Variants in HSPG2 observed in about 807,000 individuals in gnomAD.
HSPG2 encodes the protein basement membrane-specific heparan sulfate proteoglycan core protein.
A neutral mutation model predicts 526.6 loss-of-function variants in HSPG2; 278 were observed. The ratio of observed to expected loss-of-function variants is 0.53; its 90% CI spans 0.48 to 0.58. The LOEUF is 0.58. Among genes scored for constraint, HSPG2 ranks in the 20% least tolerant of loss-of-function variants. The pLI, the probability that HSPG2 is intolerant of heterozygous loss-of-function variation, is 0.00. For synonymous variants in HSPG2, 2,465 were observed against 2,555.4 expected (o/e 0.96, Z 1.07); for missense variants, 5,354 against 6,099.5 (o/e 0.88, Z 4.07).
In HSPG2 at chr1:21,854,282, C is replaced by T; in HGVS notation, c.6350G>A (p.Cys2117Tyr). ...VSPADSGEYVCRVENGSGPKE... is the reference protein window; with the variant it reads ...VSPADSGEYVYRVENGSGPKE... ...GGGGCCCGATCCATTCTCCACACGGCACACATATTCTCCAGAATCAGCTGG... is the reference window on the plus strand; with the variant it reads ...GGGGCCCGATCCATTCTCCACACGGTACACATATTCTCCAGAATCAGCTGG... The change falls in exon 50 of 97, where the codon TGC becomes TAC. Residue 2117 changes from cysteine (C) to tyrosine (Y), a missense_variant. Physicochemically the swap from Cys to Tyr is radical, Grantham distance 194. Transcript: ENST00000374695. 6.3e-7 allele frequency: 1 copy of T among 1,577,198 alleles called. No homozygotes were observed. The highest frequency in any genetic ancestry group is 1.2e-5 in the South Asian group (1 of 86,012).
intron 13 of HSPG2, among the ~76,000 whole-genome samples, chr1:21,884,190 C>T (rs560409736): frequency 7.9e-5 from 12 of 152,146 alleles, no homozygotes; most frequent in Non-Finnish European, 1.2e-4. Flanking sequence ...CCACACCCCC[C>T]GACTTTACAG....
At chr1:21,850,533 C>T (rs2152717810) in intron 55 of HSPG2, 35 bp from the exon 56 acceptor site, 1 of 1,570,934 alleles carries the variant, frequency 6.4e-7, no homozygotes, top group African/African-American at 1.3e-5. Context: ...AGGGAGCCCT[C>T]AGGAGACCCC....
chr1:21,877,059 C>CAAAAAAAAAAAAAA (rs3077630), intron 21 of HSPG2, among the ~76,000 whole-genome samples: 2 of 103,140 alleles, frequency 1.9e-5, no homozygotes, highest in Non-Finnish European at 3.7e-5. Context: ...GACTCCATCT[C>CAAAAAAAAAAAAAA]AAAAAAAAAA....
In HSPG2 at chr1:21,847,592, C is replaced by A; in HGVS notation, c.8025+97G>T. 6.2e-7 allele frequency: 1 copy of A among 1,604,806 alleles called. No individual in the cohort carries two copies. The stretch of plus-strand genomic sequence containing the variant: ...CTGCTCAGCCTGTTGAGGCTGCTAT[C>A]GGTCTACCCAGGGCCCAATCCGTGA... On this transcript the variant is annotated intron_variant, in intron 61 of 96. Coordinates refer to ENST00000374695, the MANE Select transcript of HSPG2 (RefSeq NM_005529.7). The surrounding 1 kb of genome is among the most constrained non-coding windows in gnomAD (Gnocchi z 4.1).
In HSPG2 at chr1:21,828,332, T is replaced by C; in HGVS notation, c.12332A>G (p.Gln4111Arg). Residue 4111 changes from glutamine (Q) to arginine (R), a missense_variant, in exon 89 of 97, where the codon CAG (glutamine) becomes CGG (arginine). Coordinates refer to ENST00000374695, the MANE Select transcript of HSPG2 (RefSeq NM_005529.7). This position sits in a 1 kb window ranked among gnomAD's most constrained non-coding sequence, Gnocchi z 6.0. ...GCACGTGGCACCATGTTGGCAAGGCTGGCGCTCACATGGGGAGCTATCATA... is the reference window on the plus strand; with the variant it reads ...GCACGTGGCACCATGTTGGCAAGGCCGGCGCTCACATGGGGAGCTATCATA... ...QCYDSSPCER[Q>R]PCQHGATCMP... 1 of 1,613,808 alleles carries C rather than the reference T, an allele frequency of 6.2e-7. No individual in the cohort carries two copies. The highest frequency in any genetic ancestry group is 1.1e-5 in the South Asian group (1 of 91,084).
At chr1:21,846,289 G>A (rs1473873932) in intron 63 of HSPG2, 34 bp from the exon 64 acceptor site, 1 of 1,612,738 alleles carries the variant, frequency 6.2e-7, no homozygotes, top group Non-Finnish European at 8.5e-7. Flanking sequence ...AACAGAGTCA[G>A]GTGCCAGTCT....
Position 21,884,543 on chromosome 1 carries a change from G to T in HSPG2, c.1639C>A (p.Pro547Thr). The T allele has an allele frequency of 6.2e-7, 1 of 1,611,264 alleles. No individual in the cohort carries two copies. Residue 547 changes from proline to threonine, a missense_variant, in exon 13 of 97, where the codon CCC becomes ACC. By Grantham distance (38) the Pro-to-Thr change is conservative. Transcript: ENST00000374695. ...GCCAACGCACCCTTGAAGTCATCGG[G>T]TTGGTCAAAGCGCAGCCTGATCTGG... ...RDQIRLRFDQ[P>T]DDFKGVNVTM...
Position 21,881,434 on chromosome 1 carries a change from G to T in HSPG2, c.1723C>A (p.Pro575Thr). Reference sequence around the variant, plus strand: ...ACTAGCTGGAACTCGTGCAGGGATGGGTCGATCTGCAGCTGCGTGGAGGAG... The same window carrying T: ...ACTAGCTGGAACTCGTGCAGGGATGTGTCGATCTGCAGCTGCGTGGAGGAG... ...PLSSTQLQID[P>T]SLHEFQLVDL... The change falls in exon 14 of 97, where the codon CCA becomes ACA. Residue 575 changes from proline to threonine, a missense_variant. Physicochemically the swap from Pro to Thr is conservative, Grantham distance 38. Coordinates refer to ENST00000374695, the MANE Select transcript of HSPG2 (RefSeq NM_005529.7). 1 of 1,613,868 alleles carries T rather than the reference G, an allele frequency of 6.2e-7. No individual in the cohort carries two copies. Among genetic ancestry groups the T allele is most frequent in the African/African-American group, 1.3e-5 (1 of 75,044 alleles).
rs1641262132 is a variant in HSPG2 at position 21,878,498 on chromosome 1, G to A, written c.2559-7C>T. ...CTCGTATCCGGGGGCACAGCTAGGG[G>A]AGAGAGGGGGCCGCCATCAGCACTT... On this transcript the variant is annotated splice_region_variant and splice_polypyrimidine_tract_variant and intron_variant, in intron 19 of 96. Transcript: ENST00000374695. 2.5e-6 allele frequency: 4 copies of A among 1,613,300 alleles called. No homozygotes were observed. Among genetic ancestry groups the A allele is most frequent in the Non-Finnish European group, 2.5e-6 (3 of 1,179,712 alleles).
In HSPG2 at chr1:21,857,273, T is replaced by C. The variant is rs774931422; in HGVS notation, c.5394+12A>G. On this transcript the variant is annotated intron_variant, in intron 43 of 96. Coordinates refer to ENST00000374695, the MANE Select transcript of HSPG2 (RefSeq NM_005529.7). ...ACAGACTTCCTCCATCCCCACTCCC[T>C]GACCTGCACACCTTGCTTTTGGCTG... 3.7e-6 allele frequency: 6 copies of C among 1,614,026 alleles called. No individual in the cohort carries two copies. The highest frequency in any genetic ancestry group is 5.1e-6 in the Non-Finnish European group (6 of 1,179,962).
chr1:21,888,068 T>C lies in HSPG2; in HGVS notation c.575-2A>G. The C allele has an allele frequency of 1.9e-6, 3 of 1,613,976 alleles. No individual in the cohort carries two copies. Among genetic ancestry groups the C allele is most frequent in the Non-Finnish European group, 2.5e-6 (3 of 1,180,024 alleles). On this transcript the variant is annotated splice_acceptor_variant, in intron 6 of 96. Transcript: ENST00000374695. LOFTEE classifies it high-confidence loss of function. ...TGCAGGCTCTTGGGAACTGGGGCACTGCAGGTGGAAAGGAAGCAGACTGGA... is the reference window on the plus strand; with the variant it reads ...TGCAGGCTCTTGGGAACTGGGGCACCGCAGGTGGAAAGGAAGCAGACTGGA...
chr1:21,877,778 G>A (rs1014833353), intron 21 of HSPG2, among the ~76,000 whole-genome samples: 5 of 152,172 alleles, frequency 3.3e-5, no homozygotes, highest in Non-Finnish European at 7.3e-5. Context: ...GATTACAGGC[G>A]TGAGCCACTG....
chr1:21,878,492 C>T lies in HSPG2; in HGVS notation c.2559-1G>A, dbSNP rs538954319. 1 of 1,613,142 alleles carries T rather than the reference C, an allele frequency of 6.2e-7. No homozygotes were observed. Among genetic ancestry groups the T allele is most frequent in the African/African-American group, 1.3e-5 (1 of 75,018 alleles). On this transcript the variant is annotated splice_acceptor_variant, in intron 19 of 96. Transcript: ENST00000374695. LOFTEE classifies it high-confidence loss of function. ...GTTGCCCTCGTATCCGGGGGCACAG[C>T]TAGGGGAGAGAGGGGGCCGCCATCA... is the stretch of plus-strand genomic sequence containing the variant.
At chr1:21,863,000 C>A (rs1441520372) in intron 37 of HSPG2, among the ~76,000 whole-genome samples, 1 of 132,830 alleles carries the variant, frequency 7.5e-6, no homozygotes, top group Non-Finnish European at 1.5e-5. Flanking sequence ...GCGGAGCTTG[C>A]AGTGAGCCGA....
chr1:21,904,004 A>C lies in HSPG2; in HGVS notation c.64-7694T>G, dbSNP rs2152780374. 6.6e-6 allele frequency among the ~76,000 whole-genome samples: 1 copy of C among 152,314 alleles called. No homozygotes were observed. Among genetic ancestry groups the C allele is most frequent in the South Asian group, 2.1e-4 (1 of 4,830 alleles). On this transcript the variant is annotated intron_variant, in intron 1 of 96. Transcript: ENST00000374695. The surrounding 1 kb of genome is among the most constrained non-coding windows in gnomAD (Gnocchi z 4.4). ...AAGTAGAATCGATCAGATCTGTCCC[A>C]TTTGGTTCAATTCAAGTCACTTCAA...
At chr1:21,863,674 G>C (rs1171547636) in intron 37 of HSPG2, among the ~76,000 whole-genome samples, 1 of 150,334 alleles carries the variant, frequency 6.7e-6, no homozygotes, top group Non-Finnish European at 1.5e-5. Context: ...TTGAACCCAG[G>C]AGGCAGAACG....
rs1391899799 is a variant in HSPG2, at chr1:21,895,390, C to G, written c.244+532G>C. On this transcript the variant is annotated intron_variant, in intron 3 of 96. Transcript: ENST00000374695. This position sits in a 1 kb window ranked among gnomAD's most constrained non-coding sequence, Gnocchi z 4.1. ...CCTCCAAGAGCCTAGCCTTGCCTCC[C>G]TAAGCTAGGAACCCTTGCTTCCCAG... 6.6e-6 allele frequency among the ~76,000 whole-genome samples: 1 copy of G among 152,132 alleles called. No homozygotes were observed. The highest frequency in any genetic ancestry group is 1.5e-5 in the Non-Finnish European group (1 of 67,970).
At position 21,863,060 on chromosome 1, in the gene HSPG2, C is replaced by CAAAAACAAAAAAAAA. The variant is rs1423127350; in HGVS notation, c.4741-946_4741-945insTTTTTTTTTGTTTTT. Among the ~76,000 whole-genome samples, 65 of 31,230 alleles carry CAAAAACAAAAAAAAA rather than the reference C, an allele frequency of 2.1e-3. 4 individuals are homozygous for CAAAAACAAAAAAAAA. Among genetic ancestry groups the CAAAAACAAAAAAAAA allele is most frequent in the African/African-American group, 8.2e-3 (55 of 6,724 alleles). The allele number at this position is 31,230 out of a possible 152,430, so 20.5% of individuals were successfully genotyped here. On this transcript the variant is annotated intron_variant, in intron 37 of 96. Coordinates refer to ENST00000374695, the MANE Select transcript of HSPG2 (RefSeq NM_005529.7). ...GGGTGACAAAAGCGAGACTCCATCT[C>CAAAAACAAAAAAAAA]AAAAAAAAAAAAAAAAAAAAAAAAA...
In HSPG2 at chr1:21,910,234, CT is replaced by C. The variant is rs372405900; in HGVS notation, c.64-13925del. On this transcript the variant is annotated intron_variant, in intron 1 of 96. Coordinates refer to ENST00000374695, the MANE Select transcript of HSPG2 (RefSeq NM_005529.7). Reference sequence around the variant, plus strand: ...GTATTTAAAGCTCTGACTGGGCCTCCTCCCTGGGGAACAAAAGGCCTTGCCC... The same window carrying C: ...GTATTTAAAGCTCTGACTGGGCCTCCCCCTGGGGAACAAAAGGCCTTGCCC... Among the ~76,000 whole-genome samples, 27 of 152,356 alleles carry C rather than the reference CT, an allele frequency of 1.8e-4. No individual in the cohort carries two copies. In the South Asian group the frequency reaches 5.6e-3, roughly 32 times the overall value.
Sources: allele counts gnomAD v4.1 joint callset (sites outside exome capture counted in the v4.1 genomes callset), GRCh38; gene constraint gnomAD v4.1.1; non-coding constraint Gnocchi (gnomAD v3.1); transcripts MANE v1.5; gene names NCBI Gene and HGNC (gene_info 2026-07-23, HGNC 2026-07-21).